PPP1R12B: variants seen among roughly 807,000 people sequenced by gnomAD.
PPP1R12B encodes protein phosphatase 1 regulatory subunit 12B, also known as myosin phosphatase target subunit 2.
PPP1R12B carries 76 observed loss-of-function variants against 126.1 expected under a neutral mutation model. The ratio of observed to expected loss-of-function variants is 0.60; its 90% confidence interval spans 0.50 to 0.73. The LOEUF (loss-of-function observed/expected upper bound fraction) is 0.73. Ranked by LOEUF, PPP1R12B falls within the 30% of genes least tolerant of loss-of-function variation. PPP1R12B has a pLI of 0.00. For synonymous variants in PPP1R12B, 356 were observed against 434.7 expected, an observed-to-expected ratio of 0.82 and a Z score of 2.25; for missense variants, 1,052 against 1,205.1, an observed-to-expected ratio of 0.87 and a Z score of 1.88.
intron 13 of PPP1R12B, among the ~76,000 whole-genome samples, chr1:202,452,428 C>T (rs1408551698): frequency 6.6e-6 from 1 of 152,208 alleles, no homozygotes; most frequent in African/African-American, 2.4e-5. Context: ...CGTGCGCCTG[C>T]AATCACAGGC....
intron 1 of PPP1R12B, among the ~76,000 whole-genome samples, chr1:202,356,013 CT>C (rs1423300884): frequency 6.6e-6 from 1 of 151,756 alleles, no homozygotes; most frequent in Non-Finnish European, 1.5e-5. Flanking sequence ...CTCCAACCCC[CT>C]CCCCACCCAA....
At chr1:202,556,827 GT>G (rs1239533297) in intron 18 of PPP1R12B, among the ~76,000 whole-genome samples, 1 of 152,190 alleles carries the variant, frequency 6.6e-6, no homozygotes, top group African/African-American at 2.4e-5. Flanking sequence ...ACATTTGCTG[GT>G]ATGGAGTTCA....
chr1:202,431,351 A>C, intron 7 of PPP1R12B, 129 bp from the exon 8 acceptor site: 1 of 729,190 alleles, frequency 1.4e-6, no homozygotes, highest in Non-Finnish European at 2.1e-6. Context: ...TTGGAAGAAC[A>C]CACAGATGTA....
intron 9 of PPP1R12B, among the ~76,000 whole-genome samples, chr1:202,436,526 T>C (rs531833973): frequency 5.3e-5 from 8 of 152,284 alleles, no homozygotes; most frequent in African/African-American, 1.4e-4. Flanking sequence ...TAGCCTGATA[T>C]TGGAAGAAAG....
chr1:202,371,031 A>G (rs1224532687), intron 1 of PPP1R12B, among the ~76,000 whole-genome samples: 2 of 115,744 alleles, frequency 1.7e-5, no homozygotes, highest in African/African-American at 3.4e-5. Context: ...TTTGAGATAG[A>G]GTCTCTCTCT....
At chr1:202,353,933 C>T (rs1427591213) in intron 1 of PPP1R12B, among the ~76,000 whole-genome samples, 1 of 151,844 alleles carries the variant, frequency 6.6e-6, no homozygotes, top group Non-Finnish European at 1.5e-5. Flanking sequence ...TCTTCAACTC[C>T]TGCTGAATAA....
At chr1:202,455,907 G>C (rs1321304701) in intron 13 of PPP1R12B, among the ~76,000 whole-genome samples, 2 of 152,180 alleles carry the variant, frequency 1.3e-5, no homozygotes, top group East Asian at 3.8e-4. Context: ...GGAAACCACT[G>C]CAGAAGAAAG....
intron 1 of PPP1R12B, among the ~76,000 whole-genome samples, chr1:202,382,854 G>A (rs912264463): frequency 1.3e-5 from 2 of 151,150 alleles, no homozygotes; most frequent in African/African-American, 4.9e-5. Flanking sequence ...CCAGCCTGGG[G>A]GACAGAGTAA....
intron 2 of PPP1R12B, among the ~76,000 whole-genome samples, chr1:202,418,462 A>T (rs759283057): frequency 7.6e-6 from 1 of 132,370 alleles, no homozygotes; most frequent in Non-Finnish European, 1.7e-5. Context: ...ACAGAGAATG[A>T]TTATAATTGC....
chr1:202,494,759 C>T (rs1394943165), intron 15 of PPP1R12B, among the ~76,000 whole-genome samples: 1 of 151,518 alleles, frequency 6.6e-6, no homozygotes, highest in Non-Finnish European at 1.5e-5. Flanking sequence ...AACAAAACTA[C>T]AAAAAGGAAA....
At chr1:202,418,731 C>T (rs1668402258) in intron 2 of PPP1R12B, among the ~76,000 whole-genome samples, 1 of 151,996 alleles carries the variant, frequency 6.6e-6, no homozygotes, top group Non-Finnish European at 1.5e-5. Context: ...TTATTTTTCA[C>T]TATACATATC....
intron 13 of PPP1R12B, among the ~76,000 whole-genome samples, chr1:202,464,514 G>T (rs1211063368): frequency 1.3e-5 from 2 of 152,070 alleles, no homozygotes; most frequent in Non-Finnish European, 2.9e-5. Context: ...TTTGGCACAT[G>T]AAGGCCCTTT....
rs190539130 is a variant in PPP1R12B at position 202,555,540 on chromosome 1, T to C, written c.2491-3337T>C. Reference sequence around the variant, plus strand: ...TCAGCAGCAAAAAAGCATGATTTAATTGTCAGAAAGTTAGGCCTCAGTCTG... The same window carrying C: ...TCAGCAGCAAAAAAGCATGATTTAACTGTCAGAAAGTTAGGCCTCAGTCTG... On this transcript the variant is annotated intron_variant, in intron 18 of 23. Transcript: ENST00000608999. Among the ~76,000 whole-genome samples, 259 of 150,830 alleles carry C rather than the reference T, an allele frequency of 1.7e-3. 1 individual carries two copies. Among genetic ancestry groups the C allele is most frequent in the Non-Finnish European group, 2.6e-3 (174 of 67,800 alleles).
intron 13 of PPP1R12B, among the ~76,000 whole-genome samples, chr1:202,457,070 C>T (rs1673735505): frequency 6.6e-6 from 1 of 152,158 alleles, no homozygotes; most frequent in South Asian, 2.1e-4. Flanking sequence ...AAGATAGACA[C>T]ACGTATAGGA....
At chr1:202,479,714 C>T (rs1677116490) in intron 13 of PPP1R12B, among the ~76,000 whole-genome samples, 1 of 152,206 alleles carries the variant, frequency 6.6e-6, no homozygotes, top group Non-Finnish European at 1.5e-5. Flanking sequence ...TTGCCTTAGT[C>T]TCCTGGTTCT....
intron 18 of PPP1R12B, among the ~76,000 whole-genome samples, chr1:202,510,911 TATA>T (rs199703372): frequency 0.01 from 1,484 of 146,818 alleles, 23 homozygotes; most frequent in African/African-American, 0.035. Flanking sequence ...TAATATATAA[TATA>T]ATAATATTTA....
intron 9 of PPP1R12B, among the ~76,000 whole-genome samples, chr1:202,436,851 T>G (rs1452202366): frequency 1.3e-5 from 2 of 151,244 alleles, no homozygotes; most frequent in Non-Finnish European, 2.9e-5. Context: ...GACCTCTAGT[T>G]TTTTTTTTGT....
intron 18 of PPP1R12B, among the ~76,000 whole-genome samples, chr1:202,514,098 C>T (rs539601782): frequency 6.6e-6 from 1 of 151,740 alleles, no homozygotes; most frequent in East Asian, 1.9e-4. Flanking sequence ...CTTTTCTTTT[C>T]TTTTTTTAAC....
intron 23 of PPP1R12B, among the ~76,000 whole-genome samples, chr1:202,573,672 G>A (rs1337912644): frequency 6.6e-6 from 1 of 152,138 alleles, no homozygotes; most frequent in Non-Finnish European, 1.5e-5. Context: ...AGCAGAGTCG[G>A]CAGGCCTTTG....
Sources: gnomAD v4.1 joint callset for allele counts (sites outside exome capture counted in the v4.1 genomes callset) on GRCh38, gnomAD v4.1.1 for gene constraint, MANE v1.5 for transcripts, NCBI Gene and HGNC (gene_info 2026-07-23, HGNC 2026-07-21) for gene names.